Variants in TOPBP1 observed in about 807,000 individuals in gnomAD.
The protein encoded by TOPBP1 is DNA topoisomerase 2-binding protein 1.
Under a neutral mutation model 167.7 loss-of-function variants are expected in TOPBP1, and 28 were observed. The observed-to-expected ratio is 0.17, with a 90% CI of 0.12 to 0.23. The LOEUF (loss-of-function observed/expected upper bound fraction) is 0.23. Among genes scored for constraint, TOPBP1 ranks in the 10% least tolerant of loss-of-function variants. The pLI is 1.00. For synonymous variants in TOPBP1, 598 were observed against 611.4 expected (o/e 0.98, Z 0.32); for missense variants, 1,554 against 1,809.6 (o/e 0.86, Z 2.56).
chr3:133,644,306 A>C lies in TOPBP1; in HGVS notation c.1562T>G (p.Leu521Trp). The change falls in exon 11 of 28, where the codon TTG becomes TGG. Residue 521 changes from leucine to tryptophan, a missense_variant. Physicochemically the swap from Leu to Trp is moderately conservative, Grantham distance 61. Coordinates refer to ENST00000260810, the MANE Select transcript of TOPBP1 (RefSeq NM_007027.4). ...CAAAGAAATGTGAGTAGAATCATTCAAGGGCTCAGCATGAGTAGAATCATT... is the reference window on the plus strand; with the variant it reads ...CAAAGAAATGTGAGTAGAATCATTCCAGGGCTCAGCATGAGTAGAATCATT... ...PFNDSTHAEP[L>W]NDSTHISLQE... The C allele has an allele frequency of 6.2e-7, 1 of 1,612,446 alleles. No homozygotes were observed. Among genetic ancestry groups the C allele is most frequent in the Non-Finnish European group, 8.5e-7 (1 of 1,179,120 alleles).
At chr3:133,605,432 C>T (rs1222673493) in intron 27 of TOPBP1, among the ~76,000 whole-genome samples, 1 of 152,008 alleles carries the variant, frequency 6.6e-6, no homozygotes, top group African/African-American at 2.4e-5. Flanking sequence ...GCAATATATA[C>T]AAAGATTAAT....
intron 11 of TOPBP1, among the ~76,000 whole-genome samples, 180 bp from the exon 12 acceptor site, chr3:133,643,552 A>G (rs781192834): frequency 3.9e-5 from 6 of 152,226 alleles, no homozygotes; most frequent in Non-Finnish European, 8.8e-5. Context: ...ATATATACAT[A>G]CACACATATA....
intron 12 of TOPBP1, among the ~76,000 whole-genome samples, chr3:133,641,742 T>C (rs1436706405): frequency 6.6e-6 from 1 of 152,228 alleles, no homozygotes; most frequent in African/African-American, 2.4e-5. Flanking sequence ...CAGCTTTAGC[T>C]GTATCCAGTG....
At position 133,649,656 on chromosome 3, in the gene TOPBP1, T is replaced by C. The variant is rs557867720; in HGVS notation, c.1254-23A>G. 43 of 1,611,012 alleles carry C rather than the reference T, an allele frequency of 2.7e-5. No homozygotes were observed. The African/African-American group carries it at 4.3e-4, about 16-fold the overall frequency. On this transcript the variant is annotated intron_variant, in intron 9 of 27. Transcript: ENST00000260810. ...GGCCTACAAAAATAGCACATAGTTA[T>C]GTATTAGTGCAAGCTATAAAGACCA...
Position 133,640,012 on chromosome 3 carries a change from G to T in TOPBP1, c.2180C>A (p.Thr727Lys). Residue 727 changes from threonine to lysine, a missense_variant, in exon 13 of 28, where the codon ACG becomes AAG. By Grantham distance (78) the Thr-to-Lys change is moderately conservative (BLOSUM62 -1). Transcript: ENST00000260810. ...TIAWLLETAR[T>K]GKRADESHFL... is the part of the protein sequence containing the mutation. ...ATGGCTTTCGTCTGCTCTCTTTCCC[G>T]TTCTAGCAGTCTCCAACAGCCAAGC... The T allele has an allele frequency of 6.2e-7, 1 of 1,613,792 alleles. No individual in the cohort carries two copies. Among genetic ancestry groups the T allele is most frequent in the Non-Finnish European group, 8.5e-7 (1 of 1,179,824 alleles).
Position 133,612,417 on chromosome 3 carries a change from G to T in TOPBP1, c.4007C>A (p.Ala1336Asp), listed in dbSNP as rs377714715. ...CACGAAGTGTCCAGCAGTCCTGCAG[G>T]CTTCAAGGTAGGAGCGATGAAGCAC... ...KWVLHRSYLE[A>D]CRTAGHFVQE... The change falls in exon 24 of 28, where the codon GCC becomes GAC. Residue 1336 changes from alanine (A) to aspartate (D), a missense_variant. This residue lies in a region of TOPBP1 where 351 missense variants were observed against 432.9 expected (regional missense o/e 0.81). Transcript: ENST00000260810. The T allele has an allele frequency of 2.5e-6, 4 of 1,613,798 alleles. No individual in the cohort carries two copies. In the East Asian group the frequency reaches 6.7e-5, roughly 27 times the overall value.
chr3:133,620,249 A>C lies in TOPBP1; in HGVS notation c.3277T>G (p.Ser1093Ala). The change falls in exon 20 of 28, where the codon TCC becomes GCC. Residue 1093 changes from serine to alanine, a missense_variant. Ser to Ala is a moderately conservative substitution (Grantham distance 99, BLOSUM62 1). Coordinates refer to ENST00000260810, the MANE Select transcript of TOPBP1 (RefSeq NM_007027.4). ...SIVKPQGQRT[S>A]LSRSGCNSAS... The stretch of plus-strand genomic sequence containing the variant: ...CTGTTACAACCACTTCTTGAAAGGG[A>C]AGTCCTCTGCCCTTGGGGTTTCACT... 1.2e-6 allele frequency: 2 copies of C among 1,613,910 alleles called. No homozygotes were observed. The highest frequency in any genetic ancestry group is 1.7e-6 in the Non-Finnish European group (2 of 1,179,858).
chr3:133,644,249 C>T lies in TOPBP1; in HGVS notation c.1619G>A (p.Cys540Tyr). The T allele has an allele frequency of 6.2e-7, 1 of 1,613,792 alleles. No homozygotes were observed. The highest frequency in any genetic ancestry group is 8.5e-7 in the Non-Finnish European group (1 of 1,179,816). Residue 540 changes from cysteine (C) to tyrosine (Y), a missense_variant, in exon 11 of 28, where the codon TGT becomes TAT. By Grantham distance (194) the Cys-to-Tyr change is radical (BLOSUM62 -2). This residue lies in a region of TOPBP1 where 1,197 missense variants were observed against 1,351.5 expected (regional missense o/e 0.89). Transcript: ENST00000260810. ...QEENQSSVSHCVPDVSTITEE... is the reference protein window; with the variant it reads ...QEENQSSVSHYVPDVSTITEE... Reference sequence around the variant, plus strand: ...AGTAATTGTAGAAACATCAGGGACACAATGACTGACAGAAGACTGGTTTTC... The same window carrying T: ...AGTAATTGTAGAAACATCAGGGACATAATGACTGACAGAAGACTGGTTTTC...
chr3:133,638,933 T>C lies in TOPBP1; in HGVS notation c.2234-771A>G, dbSNP rs138256249. ...CAGGAAGACACAAAATAAACAACCA[T>C]TATAACACTGAGGTAAGAGATAAAA... On this transcript the variant is annotated intron_variant, in intron 13 of 27. Coordinates refer to ENST00000260810, the MANE Select transcript of TOPBP1 (RefSeq NM_007027.4). Among the ~76,000 whole-genome samples the C allele has an allele frequency of 7.1e-3, 1,081 of 152,276 alleles. 18 individuals carry two copies. The highest frequency in any genetic ancestry group is 0.022 in the African/African-American group (929 of 41,542).
Position 133,611,203 on chromosome 3 carries a change from A to C in TOPBP1, c.4036-62T>G, listed in dbSNP as rs915158158. ...TCTGGGGAGCCACTGTGCAACATAC[A>C]GGGCTCCTCAAGGAGCCCAAAGTCT... On this transcript the variant is annotated intron_variant, in intron 24 of 27. Coordinates refer to ENST00000260810, the MANE Select transcript of TOPBP1 (RefSeq NM_007027.4). 6 of 1,494,148 alleles carry C rather than the reference A, an allele frequency of 4.0e-6. No individual in the cohort carries two copies. In the African/African-American group the frequency reaches 5.6e-5, roughly 14 times the overall value. 92.6% of individuals were successfully genotyped at this position (1,494,148 alleles called of 1,614,324 possible). A position where few individuals can be genotyped will look rare whatever the true frequency, so the allele number is the denominator to read the frequency against.
chr3:133,633,852 T>C (rs1935576434), intron 14 of TOPBP1, among the ~76,000 whole-genome samples: 1 of 152,204 alleles, frequency 6.6e-6, no homozygotes, highest in South Asian at 2.1e-4. Flanking sequence ...TCTCTTGGCA[T>C]CTATTCTCAC....
At chr3:133,622,420 T>C (rs11717424) in intron 19 of TOPBP1, among the ~76,000 whole-genome samples, 21,690 of 151,698 alleles carry the variant, frequency 0.14, 1,876 homozygotes, top group Non-Finnish European at 0.2. Context: ...CTCAAACTCC[T>C]GACCTTGGGT....
At chr3:133,629,618 A>G (rs1220757021) in intron 14 of TOPBP1, among the ~76,000 whole-genome samples, 1 of 152,206 alleles carries the variant, frequency 6.6e-6, no homozygotes, top group African/African-American at 2.4e-5. Context: ...TGACATTTTC[A>G]TGAGCAAAGT....
At chr3:133,621,892 G>T (rs1023332151) in intron 19 of TOPBP1, among the ~76,000 whole-genome samples, 2 of 152,004 alleles carry the variant, frequency 1.3e-5, no homozygotes, top group East Asian at 3.9e-4. Flanking sequence ...CAAGAAAGTA[G>T]AAATAACCTA....
chr3:133,661,372 C>A (rs1471585058), intron 1 of TOPBP1, among the ~76,000 whole-genome samples: 1 of 152,216 alleles, frequency 6.6e-6, no homozygotes, highest in Non-Finnish European at 1.5e-5. Flanking sequence ...ATTGAATACA[C>A]TGAGGAAGGC....
In TOPBP1 at chr3:133,661,035, A is replaced by G; in HGVS notation, c.84+9T>C. 1 of 1,564,500 alleles carries G rather than the reference A, an allele frequency of 6.4e-7. No homozygotes were observed. Among genetic ancestry groups the G allele is most frequent in the Non-Finnish European group, 8.6e-7 (1 of 1,161,312 alleles). ...GAATTCACGGTATTAAGATGTTTTC[A>G]ACTCTTACCTCGAGAGCTTTAAAAA... On this transcript the variant is annotated intron_variant, in intron 2 of 27. Coordinates refer to ENST00000260810, the MANE Select transcript of TOPBP1 (RefSeq NM_007027.4).
At chr3:133,602,053 T>A (rs973924044) in intron 27 of TOPBP1, among the ~76,000 whole-genome samples, 2 of 152,146 alleles carry the variant, frequency 1.3e-5, no homozygotes, top group Non-Finnish European at 2.9e-5. Flanking sequence ...AACTGCCTGT[T>A]AAACAACACA....
At position 133,656,936 on chromosome 3, in the gene TOPBP1, A is replaced by C; in HGVS notation, c.364-79T>G. The C allele has an allele frequency of 2.3e-6, 3 of 1,298,070 alleles. No individual in the cohort carries two copies. The South Asian group carries it at 6.9e-5, about 30-fold the overall frequency. 80.4% of individuals were successfully genotyped at this position (1,298,070 alleles called of 1,614,324 possible). On this transcript the variant is annotated intron_variant, in intron 4 of 27. Transcript: ENST00000260810. ...CTTTTATACACTATCTCATAAATAC[A>C]TTTTGCTGTTGACAGTTTGAATACA... is the stretch of plus-strand genomic sequence containing the variant.
intron 25 of TOPBP1, among the ~76,000 whole-genome samples, chr3:133,609,866 C>A (rs1456284204): frequency 1.3e-5 from 2 of 152,104 alleles, no homozygotes; most frequent in African/African-American, 2.4e-5. Context: ...TTTTTGTAAG[C>A]CATGGATCCC....
Sources: allele counts gnomAD v4.1 joint callset (sites outside exome capture counted in the v4.1 genomes callset), GRCh38; gene constraint gnomAD v4.1.1; regional missense constraint gnomAD v4.1.1; transcripts MANE v1.5; gene names NCBI Gene and HGNC (gene_info 2026-07-23, HGNC 2026-07-21).